The following SNAP25 variants were observed in gnomAD, a reference collection of about 807,000 sequenced individuals.
SNAP25 encodes the protein synaptosome associated protein 25, also known as synaptosomal-associated protein 25.
Under a neutral mutation model 28.7 loss-of-function variants are expected in SNAP25, and 3 were observed. The ratio of observed to expected loss-of-function variants is 0.10; its 90% CI spans 0.05 to 0.27. The LOEUF (loss-of-function observed/expected upper bound fraction) is 0.27. Among genes scored for constraint, SNAP25 ranks in the 10% least tolerant of loss-of-function variants. The pLI is 1.00. For synonymous variants in SNAP25, 61 were observed against 88.1 expected, an observed-to-expected ratio of 0.69 and a Z score of 1.72; for missense variants, 117 against 278.7, an observed-to-expected ratio of 0.42 and a Z score of 4.13.
intron 1 of SNAP25, among the ~76,000 whole-genome samples, chr20:10,258,789 G>A (rs988183420): frequency 3.3e-5 from 5 of 152,142 alleles, no homozygotes; most frequent in Admixed American, 2.6e-4. Flanking sequence ...AATCACTTCA[G>A]AGACACTTTA....
chr20:10,288,050 C>T (rs2123089439), intron 4 of SNAP25, among the ~76,000 whole-genome samples: 1 of 151,984 alleles, frequency 6.6e-6, no homozygotes, highest in Non-Finnish European at 1.5e-5. Flanking sequence ...AGGAGATATA[C>T]CTAATGCTAA....
chr20:10,299,219 AAT>A (rs759048133), intron 6 of SNAP25, 47 bp from the exon 7 acceptor site: 6 of 1,599,254 alleles, frequency 3.8e-6, no homozygotes, highest in Admixed American at 3.4e-5. Context: ...CTTGGTATTC[AAT>A]ATGTTTTCCA....
chr20:10,257,513 T>A (rs994292022), intron 1 of SNAP25, among the ~76,000 whole-genome samples: 1 of 152,040 alleles, frequency 6.6e-6, no homozygotes, highest in African/African-American at 2.4e-5. Context: ...GGGAGTTCGA[T>A]ACCAGCCCAA....
intron 1 of SNAP25, among the ~76,000 whole-genome samples, chr20:10,249,697 C>G (rs1393617593): frequency 6.6e-6 from 1 of 152,054 alleles, no homozygotes; most frequent in Non-Finnish European, 1.5e-5. Flanking sequence ...TGATTCTAAA[C>G]CCCACCACAG....
chr20:10,267,007 G>A (rs2063518362), intron 1 of SNAP25, among the ~76,000 whole-genome samples: 2 of 152,006 alleles, frequency 1.3e-5, no homozygotes, highest in African/African-American at 4.8e-5. Flanking sequence ...CATGTGTTAA[G>A]GCACAAAGGA....
intron 1 of SNAP25, among the ~76,000 whole-genome samples, chr20:10,222,115 C>A (rs1284432043): frequency 6.6e-6 from 1 of 152,202 alleles, no homozygotes; most frequent in Non-Finnish European, 1.5e-5. Flanking sequence ...TCGGTATTCA[C>A]CGGATACAGA....
At chr20:10,271,568 C>A (rs1324499511) in intron 1 of SNAP25, among the ~76,000 whole-genome samples, 1 of 152,244 alleles carries the variant, frequency 6.6e-6, no homozygotes, top group East Asian at 1.9e-4. Context: ...CACATGGCTT[C>A]TCCGCCATCG....
At chr20:10,289,540 C>T (rs1301439631) in intron 4 of SNAP25, among the ~76,000 whole-genome samples, 1 of 151,706 alleles carries the variant, frequency 6.6e-6, no homozygotes, top group Admixed American at 6.6e-5. Flanking sequence ...AACCATCTCT[C>T]TAGCTAAAGT....
intron 7 of SNAP25, among the ~76,000 whole-genome samples, chr20:10,300,433 T>C (rs1178002536): frequency 2.0e-5 from 3 of 152,220 alleles, no homozygotes; most frequent in Admixed American, 2.0e-4. Context: ...TGTACATCTA[T>C]AATCTACTCA....
At chr20:10,233,159 G>C (rs948825079) in intron 1 of SNAP25, among the ~76,000 whole-genome samples, 11 of 152,114 alleles carry the variant, frequency 7.2e-5, no homozygotes, top group African/African-American at 2.2e-4. Flanking sequence ...GGCTCATTTT[G>C]CCTCCTATCA....
chr20:10,277,705 T>G lies in SNAP25; in HGVS notation c.93T>G (p.Arg31=). The G allele has an allele frequency of 6.2e-7, 1 of 1,613,874 alleles. No individual in the cohort carries two copies. Among genetic ancestry groups the G allele is most frequent in the Non-Finnish European group, 8.5e-7 (1 of 1,179,964 alleles). The change falls in exon 3 of 8, where the codon CGT becomes CGG. Residue 31 remains arginine, a synonymous_variant. Transcript: ENST00000254976. ...CTTAGTCGCTGGAAAGCACCCGTCG[T>G]ATGCTGCAACTGGTTGAAGAGGTAA... The part of the protein sequence containing the change: ...LADESLESTR[R]MLQLVEESKD...
intron 6 of SNAP25, among the ~76,000 whole-genome samples, chr20:10,297,704 A>G (rs1334167573): frequency 6.6e-6 from 1 of 152,190 alleles, no homozygotes. Context: ...AGGGAGTGAA[A>G]GAGGGAAATA....
intron 1 of SNAP25, among the ~76,000 whole-genome samples, chr20:10,227,703 T>C (rs1217289635): frequency 6.6e-6 from 1 of 152,154 alleles, no homozygotes; most frequent in Non-Finnish European, 1.5e-5. Context: ...ATCAGGTTTA[T>C]ATTCAGAGAT....
intron 1 of SNAP25, among the ~76,000 whole-genome samples, chr20:10,273,183 C>T (rs362579): frequency 0.017 from 2,506 of 151,788 alleles, 59 homozygotes; most frequent in African/African-American, 0.056. Context: ...TTTATTTTTC[C>T]GAAAAGTGAT....
intron 4 of SNAP25, among the ~76,000 whole-genome samples, chr20:10,286,210 T>C (rs2063875239): frequency 1.3e-5 from 2 of 152,150 alleles, no homozygotes; most frequent in Admixed American, 6.5e-5. Flanking sequence ...ACCAATATAA[T>C]ACATGAGGTA....
chr20:10,285,128 C>T (rs2063851109), intron 4 of SNAP25, among the ~76,000 whole-genome samples: 1 of 152,044 alleles, frequency 6.6e-6, no homozygotes, highest in South Asian at 2.1e-4. Context: ...ATTTGATTTT[C>T]TTCTAACAAT....
chr20:10,256,017 G>A (rs1265556356), intron 1 of SNAP25, among the ~76,000 whole-genome samples: 2 of 152,224 alleles, frequency 1.3e-5, no homozygotes, highest in Non-Finnish European at 2.9e-5. Flanking sequence ...TAGAACAGAT[G>A]GATTTAGGCA....
intron 1 of SNAP25, among the ~76,000 whole-genome samples, chr20:10,220,166 A>G (rs1468501105): frequency 6.6e-6 from 1 of 152,202 alleles, no homozygotes; most frequent in Non-Finnish European, 1.5e-5. Flanking sequence ...TCCATTTGAT[A>G]AAAATGTGAG....
intron 1 of SNAP25, among the ~76,000 whole-genome samples, chr20:10,244,735 T>C (rs1016666326): frequency 2.0e-4 from 27 of 135,620 alleles, no homozygotes; most frequent in East Asian, 7.9e-4. Context: ...CTTTCTCTCT[T>C]TTTTTTTTTT....
Sources: allele counts gnomAD v4.1 joint callset (sites outside exome capture counted in the v4.1 genomes callset), GRCh38; gene constraint gnomAD v4.1.1; transcripts MANE v1.5; gene names NCBI Gene and HGNC (gene_info 2026-07-23, HGNC 2026-07-21).